Variants in KIAA1217 observed in about 807,000 individuals in gnomAD.
KIAA1217 encodes KIAA1217, also known as sickle tail protein homolog.
Under a neutral mutation model 163.9 loss-of-function variants are expected in KIAA1217, and 88 were observed. That is an observed-to-expected ratio of 0.54 (90% CI 0.45 to 0.64). KIAA1217 has a LOEUF of 0.64. Among genes scored for constraint, KIAA1217 ranks in the 30% least tolerant of loss-of-function variants. KIAA1217 has a pLI of 0.00. For synonymous variants in KIAA1217, 903 were observed against 923.1 expected, an observed-to-expected ratio of 0.98 and a Z score of 0.39; for missense variants, 2,372 against 2,475.0, an observed-to-expected ratio of 0.96 and a Z score of 0.88.
intron 1 of KIAA1217, among the ~76,000 whole-genome samples, chr10:23,910,747 G>A (rs1842398804): frequency 6.6e-6 from 1 of 152,190 alleles, no homozygotes. Flanking sequence ...CCGCAGACCT[G>A]AGGGCTGATT....
At chr10:24,245,228 C>A (rs2073643440) in intron 2 of KIAA1217, among the ~76,000 whole-genome samples, 1 of 152,184 alleles carries the variant, frequency 6.6e-6, no homozygotes, top group African/African-American at 2.4e-5. Context: ...AATGGTGTTT[C>A]CTACTCTGAG....
chr10:23,762,770 C>T (rs969271387), intron 1 of KIAA1217, among the ~76,000 whole-genome samples: 1 of 151,720 alleles, frequency 6.6e-6, no homozygotes, highest in Non-Finnish European at 1.5e-5. Context: ...CTGGCCAGGG[C>T]AATCAGGCAA....
At chr10:24,512,278 G>A (rs1027734075) in intron 9 of KIAA1217, among the ~76,000 whole-genome samples, 11 of 152,172 alleles carry the variant, frequency 7.2e-5, no homozygotes, top group Non-Finnish European at 1.3e-4. Context: ...ACCAGTCCAT[G>A]AAACCGGAAA....
intron 1 of KIAA1217, among the ~76,000 whole-genome samples, chr10:24,000,108 G>A (rs1846671457): frequency 6.6e-6 from 1 of 152,134 alleles, no homozygotes; most frequent in African/African-American, 2.4e-5. Context: ...AAAAGTGTTG[G>A]AAGCATGGTT....
At chr10:24,216,624 C>T (rs923385578) in intron 1 of KIAA1217, among the ~76,000 whole-genome samples, 1 of 151,608 alleles carries the variant, frequency 6.6e-6, no homozygotes, top group Non-Finnish European at 1.5e-5. Context: ...GTCAGGGGTT[C>T]GAGACCAGCC....
intron 2 of KIAA1217, among the ~76,000 whole-genome samples, chr10:24,053,183 T>C (rs1849639213): frequency 2.0e-5 from 3 of 152,040 alleles, no homozygotes; most frequent in Non-Finnish European, 4.4e-5. Flanking sequence ...ATTACTAAAA[T>C]AACCTAGAGG....
intron 2 of KIAA1217, among the ~76,000 whole-genome samples, chr10:24,164,563 T>C (rs899088655): frequency 1.3e-5 from 2 of 152,208 alleles, no homozygotes; most frequent in Non-Finnish European, 2.9e-5. Context: ...GTTAAATGGA[T>C]GAATGAATAG....
At chr10:24,049,704 T>C (rs931761681) in intron 2 of KIAA1217, among the ~76,000 whole-genome samples, 2 of 152,206 alleles carry the variant, frequency 1.3e-5, no homozygotes, top group African/African-American at 4.8e-5. Flanking sequence ...ATCCAGTCTA[T>C]CATTGATGGA....
intron 2 of KIAA1217, among the ~76,000 whole-genome samples, chr10:24,032,335 C>T (rs568022804): frequency 3.9e-5 from 6 of 152,276 alleles, no homozygotes; most frequent in African/African-American, 1.4e-4. Flanking sequence ...TCATGGCCCA[C>T]TGCAACCTCG....
chr10:24,068,813 T>A (rs2061071485), intron 2 of KIAA1217, among the ~76,000 whole-genome samples: 1 of 152,198 alleles, frequency 6.6e-6, no homozygotes, highest in Non-Finnish European at 1.5e-5. Context: ...AACTCTTTCC[T>A]TCCTCAGGGA....
intron 16 of KIAA1217, among the ~76,000 whole-genome samples, chr10:24,535,562 G>C (rs539672380): frequency 7.8e-4 from 119 of 152,288 alleles, no homozygotes; most frequent in African/African-American, 2.6e-3. Context: ...ATTGCTTGAG[G>C]TCAGCAGTTT....
At chr10:24,300,049 G>C (rs1199478332) in intron 2 of KIAA1217, among the ~76,000 whole-genome samples, 3 of 152,208 alleles carry the variant, frequency 2.0e-5, no homozygotes, top group African/African-American at 7.2e-5. Context: ...CTACCGCAGA[G>C]GGTAGTCACC....
chr10:24,173,716 A>G (rs527501231), intron 2 of KIAA1217, among the ~76,000 whole-genome samples: 134 of 152,364 alleles, frequency 8.8e-4, no homozygotes, highest in Non-Finnish European at 1.0e-3. Context: ...ATAATTCTAG[A>G]ACTTCAAAAG....
chr10:24,426,788 C>T (rs778256431), intron 3 of KIAA1217, among the ~76,000 whole-genome samples: 9 of 152,124 alleles, frequency 5.9e-5, no homozygotes, highest in South Asian at 4.1e-4. Context: ...GTGAGAAGTG[C>T]GTGGCGCAGC....
intron 1 of KIAA1217, among the ~76,000 whole-genome samples, chr10:23,869,052 CG>C (rs747971954): frequency 7.8e-5 from 11 of 140,956 alleles, no homozygotes; most frequent in Non-Finnish European, 1.3e-4. Flanking sequence ...ATGCTAAGCA[CG>C]TTTTTTTTAT....
intron 9 of KIAA1217, among the ~76,000 whole-genome samples, chr10:24,503,168 T>A (rs2067895474): frequency 6.6e-6 from 1 of 152,134 alleles, no homozygotes. Flanking sequence ...CCCCTTGCCC[T>A]CTGCCTACCA....
intron 3 of KIAA1217, among the ~76,000 whole-genome samples, chr10:24,403,477 G>A (rs186131158): frequency 6.6e-6 from 1 of 152,200 alleles, no homozygotes; most frequent in African/African-American, 2.4e-5. Context: ...GACCTCAAGT[G>A]ATCCTCCCGC....
At position 23,947,695 on chromosome 10, in the gene KIAA1217, T is replaced by C. The variant is rs77881143; in HGVS notation, c.-320-59530T>C. 1.8e-4 allele frequency among the ~76,000 whole-genome samples: 28 copies of C among 152,352 alleles called. No homozygotes were observed. In the East Asian group the frequency reaches 5.4e-3, roughly 29 times the overall value. ...AATATTGATTGATTGCCTTACTATGTGTCAGGCACTGCTCTTGGCATTGAG... is the reference window on the plus strand; with the variant it reads ...AATATTGATTGATTGCCTTACTATGCGTCAGGCACTGCTCTTGGCATTGAG... On this transcript the variant is annotated intron_variant, in intron 1 of 18. Transcript: ENST00000376462.
intron 1 of KIAA1217, among the ~76,000 whole-genome samples, chr10:23,725,421 C>T (rs910485144): frequency 7.2e-5 from 11 of 152,188 alleles, no homozygotes; most frequent in African/African-American, 2.4e-4. Flanking sequence ...TACACAGAAA[C>T]CATGACCTAT....
Sources: gnomAD v4.1 joint callset for allele counts (sites outside exome capture counted in the v4.1 genomes callset) on GRCh38, gnomAD v4.1.1 for gene constraint, MANE v1.5 for transcripts, NCBI Gene and HGNC (gene_info 2026-07-23, HGNC 2026-07-21) for gene names.